Variants in SND1 observed in about 807,000 individuals in gnomAD.
The protein encoded by SND1 is staphylococcal nuclease and tudor domain containing 1.
SND1 carries 38 observed loss-of-function variants against 121.7 expected under a neutral mutation model. The observed-to-expected ratio is 0.31, with a 90% CI of 0.24 to 0.41. The LOEUF (loss-of-function observed/expected upper bound fraction) is 0.41. Among genes scored for constraint, SND1 ranks in the 10% least tolerant of loss-of-function variants. The pLI is 1.00. For synonymous variants in SND1, 401 were observed against 447.4 expected (o/e 0.90, Z 1.31); for missense variants, 868 against 1,184.6 (o/e 0.73, Z 3.92).
chr7:127,707,766 A>AGTGTGTGTGTGTGTGT (rs35627839), intron 9 of SND1, 119 bp downstream of exon 9: 65 of 409,074 alleles, frequency 1.6e-4, no homozygotes, highest in Admixed American at 2.4e-4. Flanking sequence ...AGCCAGTAGG[A>AGTGTGTGTGTGTGTGT]GTGTGTGTGT....
intron 16 of SND1, among the ~76,000 whole-genome samples, chr7:128,037,631 T>G (rs1792773752): frequency 6.6e-6 from 1 of 152,088 alleles, no homozygotes; most frequent in East Asian, 1.9e-4. Flanking sequence ...AAAGGGACAA[T>G]GCATCTGACA....
chr7:127,916,964 T>C lies in SND1; in HGVS notation c.1527+12145T>C, dbSNP rs1366928215. Among the ~76,000 whole-genome samples the C allele has an allele frequency of 1.2e-4, 19 of 152,216 alleles. 1 individual carries two copies. The highest frequency in any genetic ancestry group is 1.2e-3 in the Admixed American group (19 of 15,276). The stretch of plus-strand genomic sequence containing the variant: ...ATGATGGCGTCTATGTAGTTTTGAA[T>C]GAGTGAGGAATCTTGAGGGCATCCA... On this transcript the variant is annotated intron_variant, in intron 14 of 23. Coordinates refer to ENST00000354725, the MANE Select transcript of SND1 (RefSeq NM_014390.4).
chr7:127,769,258 T>A (rs1797472414), intron 10 of SND1, among the ~76,000 whole-genome samples: 1 of 152,098 alleles, frequency 6.6e-6, no homozygotes, highest in Non-Finnish European at 1.5e-5. Flanking sequence ...GTTTTTTTTT[T>A]TAGAAGTGAC....
intron 12 of SND1, among the ~76,000 whole-genome samples, chr7:127,877,941 G>A (rs1390619206): frequency 6.6e-6 from 1 of 151,964 alleles, no homozygotes; most frequent in African/African-American, 2.4e-5. Context: ...AAAAAGTCTT[G>A]TTTTCATTTT....
Position 127,840,593 on chromosome 7 carries a change from C to T in SND1, c.1243-3731C>T, listed in dbSNP as rs76915976. 5.4e-3 allele frequency among the ~76,000 whole-genome samples: 815 copies of T among 152,272 alleles called. 7 individuals carry two copies. Among genetic ancestry groups the T allele is most frequent in the African/African-American group, 0.019 (778 of 41,538 alleles). ...AAATTCAGGTTATCATTTATTTAGA[C>T]GAAGATGTTGCTAAGATTTACACTG... On this transcript the variant is annotated intron_variant, in intron 11 of 23. Transcript: ENST00000354725.
At chr7:127,948,634 A>G (rs575827193) in intron 15 of SND1, among the ~76,000 whole-genome samples, 9 of 152,210 alleles carry the variant, frequency 5.9e-5, no homozygotes, top group Non-Finnish European at 7.3e-5. Flanking sequence ...CAGAAGAGCA[A>G]TTAGGGCCCT....
At chr7:127,741,531 G>A (rs185415107) in intron 10 of SND1, among the ~76,000 whole-genome samples, 5 of 152,196 alleles carry the variant, frequency 3.3e-5, no homozygotes, top group South Asian at 2.1e-4. Flanking sequence ...TTGTTGTACC[G>A]CAGGTGACTC....
At chr7:127,730,527 AAT>A (rs1380019848) in intron 10 of SND1, among the ~76,000 whole-genome samples, 1 of 152,220 alleles carries the variant, frequency 6.6e-6, no homozygotes. Flanking sequence ...GATAAGCAGA[AAT>A]ATCCCCTTTA....
At chr7:127,814,839 G>A (rs1034192842) in intron 11 of SND1, among the ~76,000 whole-genome samples, 2 of 152,144 alleles carry the variant, frequency 1.3e-5, no homozygotes, top group South Asian at 4.1e-4. Context: ...ACAAGTGTCT[G>A]TTGGTTCTAA....
chr7:127,869,010 TAAAG>T (rs1799528757), intron 12 of SND1, among the ~76,000 whole-genome samples: 1 of 152,020 alleles, frequency 6.6e-6, no homozygotes, highest in Non-Finnish European at 1.5e-5. Flanking sequence ...GGCAATCAGA[TAAAG>T]AAGCAGTAAA....
chr7:127,978,647 T>C (rs1182646786), intron 15 of SND1, among the ~76,000 whole-genome samples: 1 of 152,164 alleles, frequency 6.6e-6, no homozygotes, highest in Non-Finnish European at 1.5e-5. Flanking sequence ...AAGCCATGTT[T>C]TCATTCCTTT....
chr7:127,859,929 G>A (rs1041230722), intron 12 of SND1, among the ~76,000 whole-genome samples: 1 of 152,040 alleles, frequency 6.6e-6, no homozygotes, highest in Non-Finnish European at 1.5e-5. Context: ...GGTAATAGGA[G>A]GAATAAGAAA....
At chr7:127,766,253 G>A (rs1298635002) in intron 10 of SND1, among the ~76,000 whole-genome samples, 1 of 152,214 alleles carries the variant, frequency 6.6e-6, no homozygotes, top group East Asian at 1.9e-4. Flanking sequence ...TGGACTCCCA[G>A]CCTACAGAAC....
At chr7:128,045,247 T>C (rs1014131706) in intron 16 of SND1, among the ~76,000 whole-genome samples, 1 of 152,232 alleles carries the variant, frequency 6.6e-6, no homozygotes, top group Non-Finnish European at 1.5e-5. Flanking sequence ...CAGTTTTCCA[T>C]GGACCCTGGC....
At chr7:127,926,875 G>A (rs1300677277) in intron 14 of SND1, among the ~76,000 whole-genome samples, 2 of 152,006 alleles carry the variant, frequency 1.3e-5, no homozygotes, top group Admixed American at 1.3e-4. Context: ...ACAGGCATGA[G>A]CCACCACGCC....
chr7:127,829,080 G>A (rs1798694166), intron 11 of SND1, among the ~76,000 whole-genome samples: 1 of 152,128 alleles, frequency 6.6e-6, no homozygotes, highest in South Asian at 2.1e-4. Flanking sequence ...TTCAAACAGG[G>A]TATGTATTAT....
chr7:127,753,300 C>G (rs1797135158), intron 10 of SND1, among the ~76,000 whole-genome samples: 1 of 152,036 alleles, frequency 6.6e-6, no homozygotes, highest in Admixed American at 6.5e-5. Flanking sequence ...TTACCAATAG[C>G]AACAATGATA....
chr7:127,739,296 A>C (rs1796834128), intron 10 of SND1, among the ~76,000 whole-genome samples: 1 of 152,214 alleles, frequency 6.6e-6, no homozygotes, highest in African/African-American at 2.4e-5. Context: ...TTTTACCCAA[A>C]TCCCATTAAA....
At chr7:127,701,928 G>A (rs999748833) in intron 5 of SND1, among the ~76,000 whole-genome samples, 1 of 152,146 alleles carries the variant, frequency 6.6e-6, no homozygotes, top group Non-Finnish European at 1.5e-5. Context: ...TTGCTTTTTG[G>A]AACTTTGTGG....
Sources: allele counts gnomAD v4.1 joint callset (sites outside exome capture counted in the v4.1 genomes callset), GRCh38; gene constraint gnomAD v4.1.1; transcripts MANE v1.5; gene names NCBI Gene and HGNC (gene_info 2026-07-23, HGNC 2026-07-21).